PTK2B: variants seen among roughly 807,000 people sequenced by gnomAD.
PTK2B encodes protein tyrosine kinase 2 beta.
In PTK2B, 71 loss-of-function variants were observed where a neutral mutation model predicts 142.9. That is an observed-to-expected ratio of 0.50 (90% CI 0.41 to 0.61). The LOEUF is 0.61. Ranked by LOEUF, PTK2B falls within the 20% of genes least tolerant of loss-of-function variation. The pLI, the probability that PTK2B is intolerant of heterozygous loss-of-function variation, is 0.00. For missense variants in PTK2B, 1,105 were observed against 1,320.4 expected (o/e 0.84, Z 2.53); for synonymous variants, 519 against 503.4 (o/e 1.03, Z -0.42).
Position 27,439,166 on chromosome 8 carries a change from G to T in PTK2B, c.1744+35G>T. On this transcript the variant is annotated intron_variant, in intron 19 of 30. Coordinates refer to ENST00000346049, the MANE Select transcript of PTK2B (RefSeq NM_173176.3). ...CTTCCCAGCCTCTGCATTGGCCTTGGAGGGGTCGCTGAAGCCAAAAATTCC... is the reference window on the plus strand; with the variant it reads ...CTTCCCAGCCTCTGCATTGGCCTTGTAGGGGTCGCTGAAGCCAAAAATTCC... 2.5e-6 allele frequency: 4 copies of T among 1,602,814 alleles called. No individual in the cohort carries two copies. In the South Asian group the frequency reaches 4.4e-5, roughly 18 times the overall value.
At chr8:27,416,810 A>G (rs982561570) in intron 2 of PTK2B, among the ~76,000 whole-genome samples, 3 of 152,212 alleles carry the variant, frequency 2.0e-5, no homozygotes, top group African/African-American at 7.2e-5. Context: ...TCAAACAACC[A>G]CTTTACAGAG....
chr8:27,347,645 A>T (rs1804795412), intron 1 of PTK2B, among the ~76,000 whole-genome samples: 1 of 152,122 alleles, frequency 6.6e-6, no homozygotes, highest in African/African-American at 2.4e-5. Flanking sequence ...GCCATACTGG[A>T]TTAGGGCCCA....
chr8:27,364,658 A>G (rs1222383362), intron 1 of PTK2B, among the ~76,000 whole-genome samples: 3 of 152,210 alleles, frequency 2.0e-5, no homozygotes, highest in South Asian at 4.1e-4. Flanking sequence ...CACTTTGTCT[A>G]CCTGCATATG....
chr8:27,320,016 A>C (rs1453010038), intron 3 of PTK2B, among the ~76,000 whole-genome samples: 1 of 152,146 alleles, frequency 6.6e-6, no homozygotes, highest in African/African-American at 2.4e-5. Flanking sequence ...GGGTCCCCAG[A>C]GAAACTCTAG....
chr8:27,439,464 G>A, intron 20 of PTK2B, 66 bp downstream of exon 20: 1 of 1,509,106 alleles, frequency 6.6e-7, no homozygotes, highest in Non-Finnish European at 9.2e-7. Context: ...AGGCTAAGGG[G>A]GTGGGTGCAG....
rs191454376 is a variant in PTK2B at position 27,450,068 on chromosome 8, C to G, written c.2341-681C>G. 2.7e-3 allele frequency among the ~76,000 whole-genome samples: 405 copies of G among 152,304 alleles called. 1 individual carries two copies. Among genetic ancestry groups the G allele is most frequent in the Non-Finnish European group, 4.7e-3 (320 of 68,032 alleles). On this transcript the variant is annotated intron_variant, in intron 24 of 30. Transcript: ENST00000346049. ...TTGTTCCTTATTTTATCTCTTAGCT[C>G]ATGCATTTCTCCTAACATTTAGTTA...
At chr8:27,334,176 A>G (rs1234140407) in intron 1 of PTK2B, among the ~76,000 whole-genome samples, 4 of 151,542 alleles carry the variant, frequency 2.6e-5, no homozygotes, top group Admixed American at 1.3e-4. Context: ...CCCAAATCAT[A>G]TTACCTAATA....
intron 1 of PTK2B, among the ~76,000 whole-genome samples, chr8:27,373,976 G>A (rs79088515): frequency 0.02 from 2,994 of 151,852 alleles, 102 homozygotes; most frequent in African/African-American, 0.068. Flanking sequence ...AGGAGGGATC[G>A]AACCAACCCT....
chr8:27,451,682 C>T (rs1453597002), intron 27 of PTK2B, 173 bp downstream of exon 27: 9 of 1,462,578 alleles, frequency 6.2e-6, no homozygotes, highest in East Asian at 5.1e-5. Context: ...TCCGCTCCCT[C>T]CACCCCATTC....
intron 1 of PTK2B, among the ~76,000 whole-genome samples, chr8:27,331,064 C>T (rs1803717213): frequency 6.6e-6 from 1 of 152,198 alleles, no homozygotes; most frequent in African/African-American, 2.4e-5. Flanking sequence ...GAAATCCACC[C>T]ACACAGAATC....
chr8:27,365,013 T>C (rs996105033), intron 1 of PTK2B, among the ~76,000 whole-genome samples: 7 of 152,202 alleles, frequency 4.6e-5, no homozygotes, highest in African/African-American at 1.7e-4. Context: ...CCTCAGGCTT[T>C]CCTGCAGTTT....
At chr8:27,330,731 C>T (rs1803696020) in intron 1 of PTK2B, among the ~76,000 whole-genome samples, 1 of 152,178 alleles carries the variant, frequency 6.6e-6, no homozygotes, top group Non-Finnish European at 1.5e-5. Context: ...AGACTTGAGG[C>T]TGCATGTTCC....
chr8:27,335,427 T>C lies in PTK2B; in HGVS notation c.-38+9746T>C, dbSNP rs147955843. On this transcript the variant is annotated intron_variant, in intron 1 of 30. Coordinates refer to ENST00000346049, the MANE Select transcript of PTK2B (RefSeq NM_173176.3). The stretch of plus-strand genomic sequence containing the variant: ...GACCAACATGGAGAAACCCCATCTG[T>C]ACTAAAAATAAAAAATTAGCCGGAT... Among the ~76,000 whole-genome samples the C allele has an allele frequency of 8.2e-3, 1,245 of 152,138 alleles. 7 individuals are homozygous for C. Among genetic ancestry groups the C allele is most frequent in the Non-Finnish European group, 0.012 (835 of 67,974 alleles).
chr8:27,349,691 T>G (rs550743119), intron 1 of PTK2B, among the ~76,000 whole-genome samples: 1 of 152,244 alleles, frequency 6.6e-6, no homozygotes, highest in Non-Finnish European at 1.5e-5. Context: ...TTCATCAATA[T>G]CCTGTACACA....
intron 24 of PTK2B, among the ~76,000 whole-genome samples, chr8:27,449,131 C>T (rs1811654132): frequency 1.3e-5 from 2 of 152,144 alleles, no homozygotes; most frequent in Admixed American, 1.3e-4. Context: ...TGTCTGGCTC[C>T]AAATGTCAGT....
intron 20 of PTK2B, among the ~76,000 whole-genome samples, chr8:27,439,901 G>A (rs145431703): frequency 2.5e-4 from 38 of 152,306 alleles, no homozygotes; most frequent in Admixed American, 9.1e-4. Flanking sequence ...AAGTGTTGGT[G>A]CGAGGCTTCC....
intron 2 of PTK2B, among the ~76,000 whole-genome samples, chr8:27,410,749 A>G: frequency 6.6e-6 from 1 of 152,220 alleles, no homozygotes; most frequent in Non-Finnish European, 1.5e-5. Context: ...GAAGTAGATT[A>G]TCCAGAGCAC....
rs781371515 is a variant in PTK2B at position 27,435,803 on chromosome 8, C to T, written c.1243+10C>T. 10 of 1,613,502 alleles carry T rather than the reference C, an allele frequency of 6.2e-6. No individual in the cohort carries two copies. Among genetic ancestry groups the T allele is most frequent in the South Asian group, 4.4e-5 (4 of 91,066 alleles). On this transcript the variant is annotated intron_variant, in intron 14 of 30. Transcript: ENST00000346049. ...CTGCGAAGGCCCGGAGGTAGGTTCT[C>T]GACCCCGCCACAGCGACCGTAGTCA...
At chr8:27,356,628 T>C (rs1291357311) in intron 1 of PTK2B, among the ~76,000 whole-genome samples, 1 of 152,238 alleles carries the variant, frequency 6.6e-6, no homozygotes, top group Non-Finnish European at 1.5e-5. Context: ...ACTAGCCCTC[T>C]TGTCAAAGAG....
Sources: allele counts gnomAD v4.1 joint callset (sites outside exome capture counted in the v4.1 genomes callset), GRCh38; gene constraint gnomAD v4.1.1; transcripts MANE v1.5; gene names NCBI Gene and HGNC (gene_info 2026-07-23, HGNC 2026-07-21).